The following CACNA1I variants were observed in gnomAD, a reference collection of about 807,000 sequenced individuals.
CACNA1I encodes voltage-dependent T-type calcium channel subunit alpha-1I.
In CACNA1I, 74 loss-of-function variants were observed where a neutral mutation model predicts 201.6. The ratio of observed to expected loss-of-function variants is 0.37; its 90% CI spans 0.30 to 0.45. CACNA1I has a LOEUF of 0.45. Ranked by LOEUF, CACNA1I falls within the 20% of genes least tolerant of loss-of-function variation. The pLI, the probability that CACNA1I is intolerant of heterozygous loss-of-function variation, is 1.00. For missense variants in CACNA1I, 2,346 were observed against 3,138.1 expected, an observed-to-expected ratio of 0.75 and a Z score of 6.03; for synonymous variants, 1,431 against 1,345.2, an observed-to-expected ratio of 1.06 and a Z score of -1.40.
chr22:39,626,535 T>C (rs1473000321), intron 4 of CACNA1I, among the ~76,000 whole-genome samples: 1 of 151,768 alleles, frequency 6.6e-6, no homozygotes, highest in Non-Finnish European at 1.5e-5. Flanking sequence ...GGGGACTGCG[T>C]GGCGGGAAAA....
At chr22:39,671,166 G>A (rs1337052492) in intron 26 of CACNA1I, among the ~76,000 whole-genome samples, 1 of 152,222 alleles carries the variant, frequency 6.6e-6, no homozygotes, top group Non-Finnish European at 1.5e-5. Flanking sequence ...GGAACGGTCA[G>A]AGGGAAGGTG....
In CACNA1I at chr22:39,666,498, C is replaced by T. The variant is rs947321351; in HGVS notation, c.4104+492C>T. On this transcript the variant is annotated intron_variant, in intron 23 of 36. Coordinates refer to ENST00000402142, the MANE Select transcript of CACNA1I (RefSeq NM_021096.4). The surrounding 1 kb of genome is among the most constrained non-coding windows in gnomAD (Gnocchi z 4.1). ...CACCCACCGCTGCTCTCTGCTCTGTCGGCAGGCAGACCCCTGCCTGGTGTC... is the reference window on the plus strand; with the variant it reads ...CACCCACCGCTGCTCTCTGCTCTGTTGGCAGGCAGACCCCTGCCTGGTGTC... Among the ~76,000 whole-genome samples the T allele has an allele frequency of 5.3e-5, 8 of 152,198 alleles. No individual in the cohort carries two copies. Among genetic ancestry groups the T allele is most frequent in the South Asian group, 2.1e-4 (1 of 4,834 alleles).
At chr22:39,671,099 C>T in intron 26 of CACNA1I, 145 bp downstream of exon 26, 1 of 727,210 alleles carries the variant, frequency 1.4e-6, no homozygotes. Flanking sequence ...ATGCTGGGCA[C>T]TGCAGTGGGA....
intron 7 of CACNA1I, among the ~76,000 whole-genome samples, chr22:39,646,155 G>A (rs560026676): frequency 5.9e-5 from 9 of 152,154 alleles, no homozygotes; most frequent in African/African-American, 1.9e-4. Flanking sequence ...CTCCTGGAGC[G>A]AGGCCTCAGC....
intron 17 of CACNA1I, 140 bp from the exon 18 acceptor site, chr22:39,662,636 A>G: frequency 2.8e-6 from 2 of 714,180 alleles, no homozygotes; most frequent in South Asian, 3.5e-5. Context: ...CTCCTGGGAG[A>G]GAAGCCCTCC....
chr22:39,622,987 C>T (rs1008952819), intron 4 of CACNA1I, among the ~76,000 whole-genome samples: 3 of 152,174 alleles, frequency 2.0e-5, no homozygotes, highest in Non-Finnish European at 2.9e-5. Flanking sequence ...TGCAGAGGGT[C>T]GCACACAAGG....
chr22:39,594,199 T>C (rs1932853524), intron 1 of CACNA1I, among the ~76,000 whole-genome samples: 1 of 152,096 alleles, frequency 6.6e-6, no homozygotes, highest in Non-Finnish European at 1.5e-5. Context: ...GCCTTCCTTA[T>C]CTGTAAAATG....
intron 1 of CACNA1I, among the ~76,000 whole-genome samples, chr22:39,580,264 G>A (rs762147676): frequency 8.5e-4 from 129 of 152,322 alleles, no homozygotes; most frequent in Admixed American, 1.4e-3. Flanking sequence ...GAAATTGTCC[G>A]TTTCCCTCCA....
intron 3 of CACNA1I, among the ~76,000 whole-genome samples, chr22:39,603,434 T>A (rs1349776508): frequency 2.6e-5 from 4 of 152,218 alleles, no homozygotes; most frequent in African/African-American, 9.7e-5. Flanking sequence ...ATTTCCTCAG[T>A]GTCTTTTTAA....
intron 1 of CACNA1I, among the ~76,000 whole-genome samples, chr22:39,576,018 G>A (rs1358898736): frequency 6.6e-6 from 1 of 152,056 alleles, no homozygotes; most frequent in Non-Finnish European, 1.5e-5. Flanking sequence ...CAAGTGATCT[G>A]CCCGCCTCGG....
At chr22:39,596,100 C>T (rs1932881059) in intron 1 of CACNA1I, among the ~76,000 whole-genome samples, 1 of 128,774 alleles carries the variant, frequency 7.8e-6, no homozygotes, top group Non-Finnish European at 1.6e-5. Context: ...GCGGCAGGAG[C>T]CAGTGAGGTC....
At chr22:39,618,300 GGT>G (rs1933617704) in intron 3 of CACNA1I, among the ~76,000 whole-genome samples, 1 of 123,764 alleles carries the variant, frequency 8.1e-6, no homozygotes, top group Non-Finnish European at 1.7e-5. Context: ...TGTGTGTGCA[GGT>G]GTGTGATTAT....
chr22:39,668,348 C>T lies in CACNA1I; in HGVS notation c.4161C>T (p.Tyr1387=), dbSNP rs1321813780. ...AGGATGGTTGGGTGAACATCATGTA[C>T]AATGGACTGGATGCTGTTGCTGTGG... ...ASKDGWVNIM[Y]NGLDAVAVDQ... is the part of the protein sequence containing the mutation. Residue 1387 remains tyrosine, a synonymous_variant, in exon 24 of 37, where the codon TAC becomes TAT. Transcript: ENST00000402142. 6.2e-7 allele frequency: 1 copy of T among 1,613,440 alleles called. No homozygotes were observed. The highest frequency in any genetic ancestry group is 2.2e-5 in the East Asian group (1 of 44,882).
intron 24 of CACNA1I, among the ~76,000 whole-genome samples, chr22:39,669,009 G>A (rs1265587816): frequency 6.6e-6 from 1 of 152,154 alleles, no homozygotes; most frequent in Non-Finnish European, 1.5e-5. Flanking sequence ...AAGTCAGGGA[G>A]GAGACTCAGC....
At chr22:39,657,179 G>A (rs151107904) in intron 10 of CACNA1I, among the ~76,000 whole-genome samples, 7 of 152,338 alleles carry the variant, frequency 4.6e-5, no homozygotes, top group African/African-American at 1.7e-4. Context: ...CTCTAGTGTG[G>A]CCTGCTTTGA....
At chr22:39,589,334 G>A (rs551284872) in intron 1 of CACNA1I, among the ~76,000 whole-genome samples, 4 of 152,320 alleles carry the variant, frequency 2.6e-5, no homozygotes, top group South Asian at 2.1e-4. Context: ...GAGTGGCCCC[G>A]CTGGGTCCTA....
At chr22:39,626,594 G>C (rs1933906791) in intron 4 of CACNA1I, among the ~76,000 whole-genome samples, 1 of 152,108 alleles carries the variant, frequency 6.6e-6, no homozygotes, top group Non-Finnish European at 1.5e-5. Context: ...ATCATAAGTG[G>C]CTAAAGTTTT....
At chr22:39,626,571 G>A (rs1408082314) in intron 4 of CACNA1I, among the ~76,000 whole-genome samples, 1 of 152,142 alleles carries the variant, frequency 6.6e-6, no homozygotes, top group African/African-American at 2.4e-5. Context: ...CATCTTCTAG[G>A]GAGTTAATTA....
chr22:39,621,574 A>T (rs1386571585), intron 4 of CACNA1I, among the ~76,000 whole-genome samples: 2 of 152,128 alleles, frequency 1.3e-5, no homozygotes, highest in African/African-American at 4.8e-5. Flanking sequence ...CTGAGCCTGG[A>T]GGGTGGCCCA....
Sources: gnomAD v4.1 joint callset for allele counts (sites outside exome capture counted in the v4.1 genomes callset) on GRCh38, gnomAD v4.1.1 for gene constraint, Gnocchi (gnomAD v3.1) non-coding constraint, MANE v1.5 for transcripts, NCBI Gene and HGNC (gene_info 2026-07-23, HGNC 2026-07-21) for gene names.